KLF13: variants seen among roughly 807,000 people sequenced by gnomAD.
KLF13 encodes Krueppel-like factor 13.
A neutral mutation model predicts 16.7 loss-of-function variants in KLF13; 8 were observed. The ratio of observed to expected loss-of-function variants is 0.48; its 90% CI spans 0.28 to 0.87. The LOEUF is 0.87. KLF13 is among the 40% of genes least tolerant of loss of function. The probability of loss-of-function intolerance (pLI) is 0.10; values close to 1 mark genes in which losing one functional copy is unlikely to be tolerated. For missense variants in KLF13, 447 were observed against 452.2 expected (o/e 0.99, Z 0.10); for synonymous variants, 245 against 208.4 (o/e 1.18, Z -1.51).
intron 1 of KLF13, among the ~76,000 whole-genome samples, chr15:31,366,965 G>A (rs1480135897): frequency 2.6e-5 from 4 of 152,358 alleles, no homozygotes; most frequent in East Asian, 3.9e-4. Flanking sequence ...ACAGCACCAC[G>A]ACGACTGGAA....
intron 1 of KLF13, among the ~76,000 whole-genome samples, chr15:31,332,233 C>CA (rs1804969771): frequency 1.3e-5 from 2 of 152,178 alleles, no homozygotes; most frequent in Admixed American, 6.5e-5. Context: ...GGAAAGAGAC[C>CA]ACACTTGTTA....
intron 1 of KLF13, among the ~76,000 whole-genome samples, chr15:31,331,772 A>T (rs1381738193): frequency 1.3e-5 from 2 of 152,188 alleles, no homozygotes; most frequent in African/African-American, 2.4e-5. Context: ...GCCAGCCTGC[A>T]CCACCACCAA....
At chr15:31,419,355 A>G (rs1018269193) in intron 1 of KLF13, among the ~76,000 whole-genome samples, 2 of 152,220 alleles carry the variant, frequency 1.3e-5, no homozygotes, top group African/African-American at 4.8e-5. Context: ...AAAGAATTCA[A>G]AATAATTGTC....
chr15:31,387,274 A>G (rs891433043), intron 1 of KLF13, among the ~76,000 whole-genome samples: 1 of 152,192 alleles, frequency 6.6e-6, no homozygotes, highest in African/African-American at 2.4e-5. Context: ...TTATTTGAAG[A>G]AATTGCCACA....
rs1283491038 is a variant in KLF13 at position 31,372,302 on chromosome 15, C to T, written c.*3C>T. On this transcript the variant is annotated 3_prime_UTR_variant, in exon 2 of 2. Transcript: ENST00000307145. ...TCAGCCCGGCCAGCTCGCCCTGAGC[C>T]CGCCACAGCCATGAGCAGCCGCTCC... 6.8e-7 allele frequency: 1 copy of T among 1,468,670 alleles called. No homozygotes were observed. Among genetic ancestry groups the T allele is most frequent in the Non-Finnish European group, 9.0e-7 (1 of 1,114,126 alleles). The allele number at this position is 1,468,670 out of a possible 1,614,324, so 91.0% of individuals were successfully genotyped here.
intron 2 of KLF13, among the ~76,000 whole-genome samples, chr15:31,397,164 A>AG (rs2039963043): frequency 7.3e-6 from 1 of 137,300 alleles, no homozygotes; most frequent in Admixed American, 8.3e-5. Context: ...AAATGGGCAA[A>AG]GGGGGGTTGG....
chr15:31,330,717 G>A (rs2038813554), intron 1 of KLF13, among the ~76,000 whole-genome samples: 1 of 152,228 alleles, frequency 6.6e-6, no homozygotes, highest in African/African-American at 2.4e-5. Context: ...GAGTTATCCT[G>A]TGGACACATT....
intron 1 of KLF13, among the ~76,000 whole-genome samples, chr15:31,429,969 T>C (rs941871488): frequency 1.3e-5 from 2 of 152,018 alleles, no homozygotes; most frequent in African/African-American, 2.4e-5. Context: ...CTCCTGACCT[T>C]GTGACCGCCC....
intron 1 of KLF13, among the ~76,000 whole-genome samples, chr15:31,370,872 A>G (rs962933441): frequency 2.0e-5 from 3 of 152,080 alleles, no homozygotes; most frequent in Non-Finnish European, 4.4e-5. Flanking sequence ...TGGTGGTTGC[A>G]TTGCGCTTGG....
chr15:31,383,023 C>T (rs2039746821), intron 1 of KLF13, among the ~76,000 whole-genome samples: 1 of 152,192 alleles, frequency 6.6e-6, no homozygotes, highest in Non-Finnish European at 1.5e-5. Flanking sequence ...TATGAATGGG[C>T]CAGGGGACCA....
At chr15:31,400,954 GGTGAC>G in intron 2 of KLF13, among the ~76,000 whole-genome samples, 1 of 152,112 alleles carries the variant, frequency 6.6e-6, no homozygotes. Context: ...GATGTCACCA[GGTGAC>G]CTTCTGAGGC....
At chr15:31,355,872 G>T (rs777954678) in intron 1 of KLF13, among the ~76,000 whole-genome samples, 1 of 151,682 alleles carries the variant, frequency 6.6e-6, no homozygotes, top group African/African-American at 2.4e-5. Context: ...GGCCTGCTCC[G>T]TGTGGCCTGG....
chr15:31,352,134 A>G (rs1011166742), intron 1 of KLF13, among the ~76,000 whole-genome samples: 2 of 152,200 alleles, frequency 1.3e-5, no homozygotes, highest in Non-Finnish European at 2.9e-5. Context: ...TGGAGTTTAC[A>G]CAACAGAGGG....
chr15:31,358,296 G>A (rs752549195), intron 1 of KLF13, among the ~76,000 whole-genome samples: 7 of 152,198 alleles, frequency 4.6e-5, no homozygotes, highest in Admixed American at 6.5e-5. Flanking sequence ...GTACAGTTGC[G>A]ATTGTCTGCA....
chr15:31,405,445 G>A (rs113341631), downstream of KLF13, among the ~76,000 whole-genome samples: 99 of 152,340 alleles, frequency 6.5e-4, no homozygotes, highest in African/African-American at 2.1e-3. Flanking sequence ...AAATATGCTG[G>A]CGCCTTAATT....
chr15:31,397,913 A>G (rs892563017), intron 2 of KLF13, among the ~76,000 whole-genome samples: 5 of 151,372 alleles, frequency 3.3e-5, no homozygotes, highest in South Asian at 2.1e-4. Context: ...GGAATTCTTC[A>G]GTCTTTCTCT....
intron 1 of KLF13, among the ~76,000 whole-genome samples, chr15:31,358,285 A>C (rs1398809048): frequency 6.6e-6 from 1 of 152,254 alleles, no homozygotes; most frequent in Admixed American, 6.5e-5. Context: ...GGTTGACTAT[A>C]GTACAGTTGC....
chr15:31,331,057 C>T (rs1458979825), intron 1 of KLF13, among the ~76,000 whole-genome samples: 1 of 152,248 alleles, frequency 6.6e-6, no homozygotes, highest in African/African-American at 2.4e-5. Context: ...GGCAGGCCCC[C>T]AGCAGAATGG....
chr15:31,354,423 C>G (rs986775575), intron 1 of KLF13, among the ~76,000 whole-genome samples: 2 of 152,186 alleles, frequency 1.3e-5, no homozygotes, highest in Admixed American at 6.5e-5. Flanking sequence ...TCCTGTTGCC[C>G]AGGCTGGAGT....
Sources: allele counts gnomAD v4.1 joint callset (sites outside exome capture counted in the v4.1 genomes callset), GRCh38; gene constraint gnomAD v4.1.1; transcripts MANE v1.5; gene names NCBI Gene and HGNC (gene_info 2026-07-23, HGNC 2026-07-21).